The following KLF12 variants were observed in gnomAD, a reference collection of about 807,000 sequenced individuals.
KLF12 encodes the protein Krueppel-like factor 12.
KLF12 carries 9 observed loss-of-function variants against 37.8 expected under a neutral mutation model. The ratio of observed to expected loss-of-function variants is 0.24; its 90% CI spans 0.14 to 0.42. The LOEUF is 0.42. KLF12 is among the 10% of genes least tolerant of loss of function. KLF12 has a pLI of 1.00. For missense variants in KLF12, 411 were observed against 516.0 expected (o/e 0.80, Z 1.97); for synonymous variants, 208 against 202.1 (o/e 1.03, Z -0.25).
intron 1 of KLF12, among the ~76,000 whole-genome samples, chr13:74,083,923 G>A (rs572068897): frequency 6.6e-6 from 1 of 152,158 alleles, no homozygotes; most frequent in African/African-American, 2.4e-5. Flanking sequence ...CTAGGCAGAA[G>A]TTTTTGAGAT....
chr13:74,252,572 G>A, the KLF12 span, among the ~76,000 whole-genome samples: 3 of 152,078 alleles, frequency 2.0e-5, no homozygotes, highest in Non-Finnish European at 2.9e-5. Context: ...TAAAGATAAC[G>A]AAACTAAAGC....
intron 1 of KLF12, among the ~76,000 whole-genome samples, chr13:74,086,915 G>A (rs1219366512): frequency 2.0e-5 from 3 of 152,086 alleles, no homozygotes; most frequent in Non-Finnish European, 4.4e-5. Context: ...CTCTTCAAGT[G>A]GAAGCACATC....
the KLF12 span, among the ~76,000 whole-genome samples, chr13:74,196,457 A>C: frequency 6.6e-6 from 1 of 152,230 alleles, no homozygotes; most frequent in Non-Finnish European, 1.5e-5. Context: ...AGAAAGAGAT[A>C]AGAGCAAGTA....
intron 3 of KLF12, among the ~76,000 whole-genome samples, chr13:73,897,913 A>G (rs1478158596): frequency 1.3e-5 from 2 of 152,198 alleles, no homozygotes; most frequent in Admixed American, 6.5e-5. Context: ...TCTAAAATCA[A>G]TAAGCCCACT....
the KLF12 span, among the ~76,000 whole-genome samples, chr13:74,173,790 A>G: frequency 1.3e-5 from 2 of 152,246 alleles, no homozygotes; most frequent in African/African-American, 2.4e-5. Flanking sequence ...GCAATACTGA[A>G]GATGAGTATT....
intron 3 of KLF12, among the ~76,000 whole-genome samples, chr13:73,925,851 T>G (rs1379261093): frequency 3.3e-5 from 5 of 152,074 alleles, no homozygotes; most frequent in African/African-American, 4.8e-5. Flanking sequence ...GACTTGGAGG[T>G]GTTTAAGACT....
At chr13:73,830,226 G>T (rs954225921) in intron 4 of KLF12, among the ~76,000 whole-genome samples, 2 of 152,150 alleles carry the variant, frequency 1.3e-5, no homozygotes, top group African/African-American at 2.4e-5. Flanking sequence ...TGATAAATGG[G>T]TAATGATCTA....
Position 73,738,022 on chromosome 13 carries a change from A to ACACAC in KLF12, c.870-22498_870-22497insGTGTG, listed in dbSNP as rs1566330814. 4.7e-4 allele frequency among the ~76,000 whole-genome samples: 43 copies of ACACAC among 92,380 alleles called. 1 individual carries two copies. In the South Asian group the frequency reaches 0.012, roughly 26 times the overall value. 60.6% of individuals were successfully genotyped at this position (92,380 alleles called of 152,430 possible). A position where few individuals can be genotyped will look rare whatever the true frequency, so the allele number is the denominator to read the frequency against. The stretch of plus-strand genomic sequence containing the variant: ...TTCCTTAAATACACTTCATTCAACA[A>ACACAC]ACACACACACACACACACACACACA... On this transcript the variant is annotated intron_variant, in intron 6 of 7. Coordinates refer to ENST00000377669, the MANE Select transcript of KLF12 (RefSeq NM_007249.5).
At chr13:74,209,770 G>C in the KLF12 span, among the ~76,000 whole-genome samples, 1 of 152,276 alleles carries the variant, frequency 6.6e-6, no homozygotes, top group South Asian at 2.1e-4. Context: ...CCTACAATAA[G>C]TTCTTGCACA....
chr13:74,224,173 T>C, the KLF12 span, among the ~76,000 whole-genome samples: 3 of 152,322 alleles, frequency 2.0e-5, no homozygotes, highest in African/African-American at 7.2e-5. Context: ...ATATACGCAC[T>C]AATGTGTTGA....
At chr13:74,050,476 G>A (rs1489363953) in intron 1 of KLF12, among the ~76,000 whole-genome samples, 1 of 152,136 alleles carries the variant, frequency 6.6e-6, no homozygotes, top group Non-Finnish European at 1.5e-5. Context: ...GATGGTTACA[G>A]GTAAGCCTGA....
chr13:74,089,785 C>G (rs1485329682), intron 1 of KLF12, among the ~76,000 whole-genome samples: 1 of 132,194 alleles, frequency 7.6e-6, no homozygotes, highest in African/African-American at 2.8e-5. Context: ...TTCCTTGACA[C>G]GACGTAACAT....
chr13:74,023,363 G>T (rs1892893011), intron 1 of KLF12, among the ~76,000 whole-genome samples: 2 of 152,194 alleles, frequency 1.3e-5, no homozygotes, highest in African/African-American at 4.8e-5. Context: ...CTTATTGGCA[G>T]GTGTATTAGT....
the KLF12 span, among the ~76,000 whole-genome samples, chr13:74,227,032 T>C: frequency 6.6e-6 from 1 of 152,306 alleles, no homozygotes; most frequent in East Asian, 1.9e-4. Flanking sequence ...GGTTTCGTCA[T>C]GTTTCTTCAC....
At chr13:73,866,252 C>CA (rs764964688) in intron 3 of KLF12, among the ~76,000 whole-genome samples, 4 of 151,908 alleles carry the variant, frequency 2.6e-5, no homozygotes, top group East Asian at 3.9e-4. Flanking sequence ...AAGACTGCCT[C>CA]AAAAAACAAA....
the KLF12 span, among the ~76,000 whole-genome samples, chr13:74,217,890 T>TA: frequency 6.6e-6 from 1 of 152,234 alleles, no homozygotes; most frequent in Non-Finnish European, 1.5e-5. Flanking sequence ...GTACATCACT[T>TA]ACAATGATGT....
At chr13:73,735,748 A>G (rs1213361119) in intron 6 of KLF12, among the ~76,000 whole-genome samples, 2 of 152,176 alleles carry the variant, frequency 1.3e-5, no homozygotes, top group African/African-American at 2.4e-5. Flanking sequence ...TCTATTTGCT[A>G]TGTAAGTATT....
chr13:74,100,895 T>C (rs890734458), intron 1 of KLF12, among the ~76,000 whole-genome samples: 2 of 152,106 alleles, frequency 1.3e-5, no homozygotes, highest in African/African-American at 4.8e-5. Flanking sequence ...AGGGGATCTC[T>C]CTGAAGTTTC....
At chr13:73,935,810 T>A (rs759721522) in intron 3 of KLF12, among the ~76,000 whole-genome samples, 2 of 152,112 alleles carry the variant, frequency 1.3e-5, no homozygotes, top group African/African-American at 4.8e-5. Flanking sequence ...GTATTTTTTG[T>A]AGAAATGGGG....
Sources: allele counts gnomAD v4.1 joint callset (sites outside exome capture counted in the v4.1 genomes callset), GRCh38; gene constraint gnomAD v4.1.1; transcripts MANE v1.5; gene names NCBI Gene and HGNC (gene_info 2026-07-23, HGNC 2026-07-21).